The following RARB variants were observed in gnomAD, a reference collection of about 807,000 sequenced individuals.
RARB encodes HBV-activated protein.
A neutral mutation model predicts 51.9 loss-of-function variants in RARB; 17 were observed. The observed-to-expected ratio is 0.33, with a 90% CI of 0.22 to 0.49. The LOEUF is 0.49. Among genes scored for constraint, RARB ranks in the 20% least tolerant of loss-of-function variants. RARB has a pLI of 0.99. For missense variants in RARB, 369 were observed against 550.8 expected (o/e 0.67, Z 3.30); for synonymous variants, 215 against 195.4 (o/e 1.10, Z -0.84).
At chr3:24,868,434 C>G (rs141687581) in intron 2 of RARB, among the ~76,000 whole-genome samples, 279 of 152,176 alleles carry the variant, frequency 1.8e-3, no homozygotes, top group African/African-American at 6.2e-3. Context: ...CTTTCCATTT[C>G]TATTTTTGTG....
chr3:25,179,753 T>A (rs1700825515), intron 5 of RARB, among the ~76,000 whole-genome samples: 1 of 152,198 alleles, frequency 6.6e-6, no homozygotes, highest in African/African-American at 2.4e-5. Context: ...AGGCCATTCC[T>A]TAAAGCTGAA....
At chr3:24,995,766 T>C (rs889552998) in intron 2 of RARB, among the ~76,000 whole-genome samples, 1 of 152,152 alleles carries the variant, frequency 6.6e-6, no homozygotes, top group Non-Finnish European at 1.5e-5. Context: ...ATGGCATTAA[T>C]TGACTTGTGT....
chr3:24,853,678 C>T (rs1386015278), intron 1 of RARB, among the ~76,000 whole-genome samples: 1 of 152,198 alleles, frequency 6.6e-6, no homozygotes, highest in Non-Finnish European at 1.5e-5. Flanking sequence ...TTCACTTTAG[C>T]CATTAAACTT....
intron 2 of RARB, among the ~76,000 whole-genome samples, chr3:24,932,416 C>T (rs1695459877): frequency 6.6e-6 from 1 of 152,108 alleles, no homozygotes; most frequent in South Asian, 2.1e-4. Context: ...GTAGGGACAT[C>T]TACTACTAGA....
At chr3:25,173,846 G>A (rs1481816467) in intron 4 of RARB, among the ~76,000 whole-genome samples, 1 of 152,150 alleles carries the variant, frequency 6.6e-6, no homozygotes, top group Non-Finnish European at 1.5e-5. Flanking sequence ...AACTGCCATG[G>A]AGAAAAATTT....
At chr3:25,392,853 C>CT in intron 5 of RARB, among the ~76,000 whole-genome samples, 1 of 152,166 alleles carries the variant, frequency 6.6e-6, no homozygotes, top group East Asian at 1.9e-4. Context: ...GTTTTACTCC[C>CT]TTTTTATTGA....
chr3:25,019,317 C>T (rs1697578348), intron 2 of RARB, among the ~76,000 whole-genome samples: 3 of 151,928 alleles, frequency 2.0e-5, no homozygotes, highest in Admixed American at 2.0e-4. Context: ...ACCAGAAAAG[C>T]CAGTATGGTT....
intron 3 of RARB, among the ~76,000 whole-genome samples, chr3:25,555,072 GA>G (rs1275189387): frequency 1.2e-4 from 18 of 152,338 alleles, no homozygotes; most frequent in African/African-American, 4.3e-4. Flanking sequence ...ATGAGTTTTA[GA>G]GGGGAAAAAT....
At chr3:25,120,827 T>C (rs1314142375) in intron 3 of RARB, among the ~76,000 whole-genome samples, 2 of 152,144 alleles carry the variant, frequency 1.3e-5, no homozygotes, top group African/African-American at 2.4e-5. Flanking sequence ...TTTGGCCGAA[T>C]CTAGCTGGCT....
chr3:25,596,577 G>A lies in RARB; in HGVS notation c.1308G>A (p.Val436=), dbSNP rs904662353. The A allele has an allele frequency of 1.2e-6, 2 of 1,611,910 alleles. No homozygotes were observed. Among genetic ancestry groups the A allele is most frequent in the Non-Finnish European group, 1.7e-6 (2 of 1,178,458 alleles). ...GTCCTAGCATCTCACCCAGCTCAGT[G>A]GAAAACAGTGGGGTCAGTCAGTCAC... ...EHSPSISPSS[V]ENSGVSQSPL... Residue 436 remains valine, a synonymous_variant, in exon 8 of 8, where the codon GTG becomes GTA. Transcript: ENST00000330688.
chr3:25,134,967 T>C (rs377169161), intron 4 of RARB, among the ~76,000 whole-genome samples: 16 of 151,976 alleles, frequency 1.1e-4, no homozygotes, highest in East Asian at 9.6e-4. Context: ...ACGCTACTTA[T>C]GATGCCACTG....
chr3:25,414,521 G>T (rs1707650391), intron 5 of RARB, among the ~76,000 whole-genome samples: 1 of 152,120 alleles, frequency 6.6e-6, no homozygotes, highest in South Asian at 2.1e-4. Flanking sequence ...TATATTTCTT[G>T]CAACAGTATA....
chr3:25,487,515 G>A (rs556385216), intron 2 of RARB, among the ~76,000 whole-genome samples: 21 of 151,042 alleles, frequency 1.4e-4, no homozygotes, highest in South Asian at 1.3e-3. Context: ...CACCTAATGC[G>A]GAATGGTCGG....
rs189560332 is a variant in RARB, at chr3:25,108,601, A to G, written c.-327-23560A>G. On this transcript the variant is annotated intron_variant, in intron 3 of 11. Coordinates refer to the RARB transcript ENST00000383772. ...ACATCTAACTGCCAGGAAGCCTGGG[A>G]AATGTCTAATTCAGTGTCCAGGGAA... Among the ~76,000 whole-genome samples the G allele has an allele frequency of 5.3e-5, 8 of 152,290 alleles. No homozygotes were observed. The East Asian group carries it at 1.5e-3, about 29-fold the overall frequency.
chr3:24,878,013 A>T (rs909555023), intron 2 of RARB, among the ~76,000 whole-genome samples: 13 of 152,202 alleles, frequency 8.5e-5, no homozygotes, highest in African/African-American at 3.1e-4. Context: ...ACATAAAGGG[A>T]TAATAAAAGT....
At chr3:24,977,731 C>A (rs542452249) in intron 2 of RARB, among the ~76,000 whole-genome samples, 1 of 152,088 alleles carries the variant, frequency 6.6e-6, no homozygotes, top group African/African-American at 2.4e-5. Context: ...TTTTCCTAAT[C>A]GAATACTCTT....
At chr3:25,577,138 T>A (rs1479582957) in intron 4 of RARB, among the ~76,000 whole-genome samples, 2 of 152,084 alleles carry the variant, frequency 1.3e-5, no homozygotes, top group Admixed American at 1.3e-4. Context: ...GGGGGTGACG[T>A]GGTGCACTGG....
intron 4 of RARB, among the ~76,000 whole-genome samples, chr3:25,132,612 T>C (rs920121591): frequency 3.3e-5 from 5 of 151,962 alleles, no homozygotes; most frequent in African/African-American, 1.2e-4. Flanking sequence ...AATGAAAACA[T>C]GTAAACTAAT....
intron 2 of RARB, among the ~76,000 whole-genome samples, chr3:24,880,887 C>A (rs1703145936): frequency 6.6e-6 from 1 of 152,140 alleles, no homozygotes; most frequent in South Asian, 2.1e-4. Context: ...ACATTAATGT[C>A]TATTACAATA....
Sources: gnomAD v4.1 joint callset for allele counts (sites outside exome capture counted in the v4.1 genomes callset) on GRCh38, gnomAD v4.1.1 for gene constraint, MANE v1.5 for transcripts, NCBI Gene and HGNC (gene_info 2026-07-23, HGNC 2026-07-21) for gene names.